The following PTPRF variants were observed in gnomAD, a reference collection of about 807,000 sequenced individuals.
The protein encoded by PTPRF is receptor-type tyrosine-protein phosphatase F.
A neutral mutation model predicts 201.8 loss-of-function variants in PTPRF; 59 were observed. The ratio of observed to expected loss-of-function variants is 0.29; its 90% CI spans 0.24 to 0.36. The LOEUF (loss-of-function observed/expected upper bound fraction) is 0.36. Among genes scored for constraint, PTPRF ranks in the 10% least tolerant of loss-of-function variants. PTPRF has a pLI of 1.00. For missense variants in PTPRF, 2,132 were observed against 2,690.5 expected, an observed-to-expected ratio of 0.79 and a Z score of 4.59; for synonymous variants, 1,088 against 1,089.7, an observed-to-expected ratio of 1.00 and a Z score of 0.03.
chr1:43,610,650 C>T lies in PTPRF; in HGVS notation c.3973+1152C>T, dbSNP rs139683118. 4.9e-3 allele frequency among the ~76,000 whole-genome samples: 750 copies of T among 152,280 alleles called. 11 individuals are homozygous for T. The highest frequency in any genetic ancestry group is 0.017 in the African/African-American group (727 of 41,548). ...ATCCCAGCACTTTGGGAGGCTGAGCCGGGTGGATCACCTGAGGTCAGGAGT... is the reference window on the plus strand; with the variant it reads ...ATCCCAGCACTTTGGGAGGCTGAGCTGGGTGGATCACCTGAGGTCAGGAGT... On this transcript the variant is annotated intron_variant, in intron 22 of 33. Coordinates refer to ENST00000359947, the MANE Select transcript of PTPRF (RefSeq NM_002840.5).
chr1:43,608,705 C>T (rs1453369502), intron 21 of PTPRF, among the ~76,000 whole-genome samples: 4 of 152,226 alleles, frequency 2.6e-5, no homozygotes, highest in Non-Finnish European at 5.9e-5. Flanking sequence ...AGAGCAGTCA[C>T]TGTGTGGAAC....
At chr1:43,583,586 G>A (rs1648318583) in intron 7 of PTPRF, among the ~76,000 whole-genome samples, 2 of 152,190 alleles carry the variant, frequency 1.3e-5, no homozygotes, top group South Asian at 4.1e-4. Flanking sequence ...AGAGCAGGCT[G>A]TCCTCCCAGT....
intron 1 of PTPRF, among the ~76,000 whole-genome samples, chr1:43,531,514 G>A (rs1643510346): frequency 7.1e-6 from 1 of 140,876 alleles, no homozygotes; most frequent in Non-Finnish European, 1.5e-5. Flanking sequence ...AGACCCCCCA[G>A]CCCCGGGCTC....
chr1:43,578,964 T>C, intron 7 of PTPRF, 44 bp downstream of exon 7: 12 of 1,575,942 alleles, frequency 7.6e-6, no homozygotes, highest in Non-Finnish European at 1.0e-5. Flanking sequence ...CACAGAGCTG[T>C]GCTGCACCTG....
At chr1:43,621,783 G>T in intron 33 of PTPRF, 152 bp from the exon 34 acceptor site, 2 of 669,332 alleles carry the variant, frequency 3.0e-6, no homozygotes, top group South Asian at 4.0e-5. Flanking sequence ...GCTCTTTCAG[G>T]CTCCCCCGCA....
intron 2 of PTPRF, among the ~76,000 whole-genome samples, chr1:43,543,453 C>T (rs1189901184): frequency 1.3e-5 from 2 of 152,228 alleles, no homozygotes; most frequent in African/African-American, 4.8e-5. Flanking sequence ...GAAGGCTGGA[C>T]ACCCTTCACC....
upstream of PTPRF, among the ~76,000 whole-genome samples, chr1:43,522,275 G>A (rs1642977459): frequency 1.3e-5 from 2 of 152,206 alleles, no homozygotes; most frequent in African/African-American, 2.4e-5. Flanking sequence ...AGCTCCAGGT[G>A]CCATAGGAGG....
chr1:43,616,826 A>G (rs1255274730), intron 23 of PTPRF, among the ~76,000 whole-genome samples: 1 of 152,082 alleles, frequency 6.6e-6, no homozygotes, highest in Non-Finnish European at 1.5e-5. Context: ...CATGTGGTGT[A>G]AGAATCAGGT....
rs924373641 is a variant in PTPRF at position 43,592,684 on chromosome 1, C to T, written c.1813+83C>T. 8 of 1,411,152 alleles carry T rather than the reference C, an allele frequency of 5.7e-6. No homozygotes were observed. The East Asian group carries it at 1.9e-4, about 33-fold the overall frequency. The allele number at this position is 1,411,152 out of a possible 1,614,324, so 87.4% of individuals were successfully genotyped here. A position where few individuals can be genotyped will look rare whatever the true frequency, so the allele number is the denominator to read the frequency against. On this transcript the variant is annotated intron_variant, in intron 11 of 33. Coordinates refer to ENST00000359947, the MANE Select transcript of PTPRF (RefSeq NM_002840.5). ...ATGCACACACATCCTTCCCCCTCGACCAGGCAGGTGGGGTGGTCAGGTCTG... is the reference window on the plus strand; with the variant it reads ...ATGCACACACATCCTTCCCCCTCGATCAGGCAGGTGGGGTGGTCAGGTCTG...
chr1:43,619,917 T>G (rs1373981551), intron 29 of PTPRF, 59 bp downstream of exon 29: 1 of 1,587,280 alleles, frequency 6.3e-7, no homozygotes, highest in African/African-American at 1.3e-5. Context: ...TGTGCCTGGC[T>G]GGTGGGGGTG....
In PTPRF at chr1:43,546,702, C is replaced by T. The variant is rs1644696761; in HGVS notation, c.91+1536C>T. Among the ~76,000 whole-genome samples the T allele has an allele frequency of 6.6e-6, 1 of 152,088 alleles. No homozygotes were observed. The highest frequency in any genetic ancestry group is 6.5e-5 in the Admixed American group (1 of 15,272). ...TGCCCTCCTCCTCCTGCCTCAGACCCAACGCGCCCCAACCTGTACCCCTCA... is the reference window on the plus strand; with the variant it reads ...TGCCCTCCTCCTCCTGCCTCAGACCTAACGCGCCCCAACCTGTACCCCTCA... On this transcript the variant is annotated intron_variant, in intron 3 of 33. Transcript: ENST00000359947. This position sits in a 1 kb window ranked among gnomAD's most constrained non-coding sequence, Gnocchi z 4.2.
chr1:43,576,550 G>A (rs977293353), intron 6 of PTPRF, among the ~76,000 whole-genome samples: 2 of 152,210 alleles, frequency 1.3e-5, no homozygotes, highest in African/African-American at 2.4e-5. Context: ...CTGCCTCCAC[G>A]CAGCAGGGCC....
chr1:43,617,581 G>A lies in PTPRF; in HGVS notation c.4195+13G>A. The A allele has an allele frequency of 6.2e-7, 1 of 1,613,656 alleles. No homozygotes were observed. Among genetic ancestry groups the A allele is most frequent in the Non-Finnish European group, 8.5e-7 (1 of 1,179,900 alleles). The stretch of plus-strand genomic sequence containing the variant: ...ACCTCTATCGATGGTGAGCCAAGGG[G>A]GTGCCCCTCCCATCCCCTTGCTCTC... On this transcript the variant is annotated intron_variant, in intron 24 of 33. Transcript: ENST00000359947.
chr1:43,622,873 A>G lies in PTPRF; in HGVS notation c.*870A>G, dbSNP rs1336818223. On this transcript the variant is annotated 3_prime_UTR_variant, in exon 34 of 34. Transcript: ENST00000359947. ...AAAAACAAAAAACCACAAAAATAAA[A>G]AACAAAAAAAACAAAAAACCCAAGA... is the stretch of plus-strand genomic sequence containing the variant. 1.3e-5 allele frequency: 2 copies of G among 152,570 alleles called. No individual in the cohort carries two copies. Among genetic ancestry groups the G allele is most frequent in the Non-Finnish European group, 2.9e-5 (2 of 68,066 alleles). 9.5% of individuals were successfully genotyped at this position (152,570 alleles called of 1,614,324 possible).
At chr1:43,560,186 C>G (rs1645706074) in intron 5 of PTPRF, among the ~76,000 whole-genome samples, 1 of 141,622 alleles carries the variant, frequency 7.1e-6, no homozygotes, top group Non-Finnish European at 1.5e-5. Flanking sequence ...GTGGTGTGTA[C>G]AGCAGGTGGT....
At chr1:43,581,980 C>T (rs557445940) in intron 7 of PTPRF, among the ~76,000 whole-genome samples, 41 of 152,314 alleles carry the variant, frequency 2.7e-4, no homozygotes, top group African/African-American at 9.4e-4. Context: ...TCAAAACAAA[C>T]GTTGCAACGT....
At chr1:43,566,348 G>A (rs915163102) in intron 5 of PTPRF, among the ~76,000 whole-genome samples, 26 of 152,208 alleles carry the variant, frequency 1.7e-4, no homozygotes, top group African/African-American at 2.4e-4. Context: ...ATTTTGTAAA[G>A]CATTTTAACA....
chr1:43,536,795 G>GT (rs1644043135), intron 1 of PTPRF, among the ~76,000 whole-genome samples: 1 of 152,196 alleles, frequency 6.6e-6, no homozygotes, highest in African/African-American at 2.4e-5. Flanking sequence ...GCGGGTTCTG[G>GT]TGCAGGTAGG....
chr1:43,532,902 G>A (rs936814398), intron 1 of PTPRF, among the ~76,000 whole-genome samples: 2 of 151,708 alleles, frequency 1.3e-5, no homozygotes, highest in Non-Finnish European at 2.9e-5. Context: ...TCCCTATTCA[G>A]CTGCTTTCTT....
Sources: allele counts gnomAD v4.1 joint callset (sites outside exome capture counted in the v4.1 genomes callset), GRCh38; gene constraint gnomAD v4.1.1; non-coding constraint Gnocchi (gnomAD v3.1); transcripts MANE v1.5; gene names NCBI Gene and HGNC (gene_info 2026-07-23, HGNC 2026-07-21).